RUNDC3B: variants seen among roughly 807,000 people sequenced by gnomAD.
RUNDC3B encodes RUN domain containing 3B.
A neutral mutation model predicts 58.4 loss-of-function variants in RUNDC3B; 33 were observed. The ratio of observed to expected loss-of-function variants is 0.56; its 90% CI spans 0.43 to 0.75. The LOEUF (loss-of-function observed/expected upper bound fraction) is 0.75, where lower values mean the gene tolerates loss of function less well. RUNDC3B is among the 30% of genes least tolerant of loss of function. The pLI is 0.00. For synonymous variants in RUNDC3B, 193 were observed against 195.2 expected, an observed-to-expected ratio of 0.99 and a Z score of 0.10; for missense variants, 501 against 535.7, an observed-to-expected ratio of 0.94 and a Z score of 0.64.
At chr7:87,732,665 G>A (rs886607051) in intron 4 of RUNDC3B, among the ~76,000 whole-genome samples, 32 of 152,266 alleles carry the variant, frequency 2.1e-4, no homozygotes, top group Middle Eastern at 3.4e-3. Flanking sequence ...TTCTGGTCCC[G>A]TGGTGCCAAC....
chr7:87,806,670 G>GT (rs1836451292), intron 8 of RUNDC3B, among the ~76,000 whole-genome samples: 1 of 152,088 alleles, frequency 6.6e-6, no homozygotes, highest in African/African-American at 2.4e-5. Context: ...GGAAGTAACA[G>GT]TTCTATAAAA....
At chr7:87,769,650 T>A (rs980439543) in intron 6 of RUNDC3B, among the ~76,000 whole-genome samples, 2 of 152,110 alleles carry the variant, frequency 1.3e-5, no homozygotes, top group Admixed American at 6.6e-5. Context: ...TTTTTTTTTA[T>A]TATACTTTAA....
At chr7:87,769,305 C>A (rs983174657) in intron 6 of RUNDC3B, among the ~76,000 whole-genome samples, 1 of 152,130 alleles carries the variant, frequency 6.6e-6, no homozygotes, top group African/African-American at 2.4e-5. Flanking sequence ...GCTAATATGC[C>A]CAGCCCCTTA....
chr7:87,733,307 G>T (rs753385584), intron 4 of RUNDC3B, among the ~76,000 whole-genome samples: 3 of 152,122 alleles, frequency 2.0e-5, no homozygotes, highest in Non-Finnish European at 2.9e-5. Context: ...GCTCGTTCTG[G>T]CAGTCCAACC....
chr7:87,784,557 ATTT>A (rs1835102429), intron 8 of RUNDC3B, among the ~76,000 whole-genome samples: 1 of 151,906 alleles, frequency 6.6e-6, no homozygotes, highest in Non-Finnish European at 1.5e-5. Flanking sequence ...TGCTAAAGGA[ATTT>A]ATTTTTGTTT....
chr7:87,790,293 C>T (rs968397528), intron 8 of RUNDC3B, among the ~76,000 whole-genome samples: 8 of 152,162 alleles, frequency 5.3e-5, no homozygotes, highest in East Asian at 1.9e-4. Context: ...AGTACCTCTA[C>T]GAGTCTGCAA....
At chr7:87,704,851 A>G (rs1218139248) in intron 3 of RUNDC3B, among the ~76,000 whole-genome samples, 1 of 152,224 alleles carries the variant, frequency 6.6e-6, no homozygotes, top group African/African-American at 2.4e-5. Flanking sequence ...AGTAAGTCAC[A>G]TCTCACGTCT....
chr7:87,822,602 G>A lies in RUNDC3B; in HGVS notation c.1225+6340G>A, dbSNP rs1162218308. ...ACACATGCACACATATGTTTATAGC[G>A]GCACTATTCACAATAGCAAAGACTT... On this transcript the variant is annotated intron_variant, in intron 10 of 10. Transcript: ENST00000394654. Among the ~76,000 whole-genome samples, 6 of 152,074 alleles carry A rather than the reference G, an allele frequency of 3.9e-5. No homozygotes were observed. The South Asian group carries it at 1.0e-3, about 26-fold the overall frequency.
rs1324472756 is a variant in RUNDC3B at position 87,679,384 on chromosome 7, T to C, written c.239-21037T>C. On this transcript the variant is annotated intron_variant, in intron 2 of 10. Coordinates refer to ENST00000394654, the MANE Select transcript of RUNDC3B (RefSeq NM_001134405.2). Reference sequence around the variant, plus strand: ...CTGGGATTACAAGTGTGAGCCACCGTGCCCGGCCCCCAACTTTTTTTTAAG... The same window carrying C: ...CTGGGATTACAAGTGTGAGCCACCGCGCCCGGCCCCCAACTTTTTTTTAAG... 4.7e-5 allele frequency among the ~76,000 whole-genome samples: 7 copies of C among 149,706 alleles called. No homozygotes were observed. The Admixed American group carries it at 4.7e-4, about 10-fold the overall frequency.
chr7:87,818,961 G>A (rs571986533), intron 10 of RUNDC3B, among the ~76,000 whole-genome samples: 1 of 152,270 alleles, frequency 6.6e-6, no homozygotes, highest in South Asian at 2.1e-4. Context: ...CACACTGATA[G>A]GAGGTACTTC....
chr7:87,750,825 A>G (rs1192724612), intron 6 of RUNDC3B, among the ~76,000 whole-genome samples: 7 of 150,868 alleles, frequency 4.6e-5, no homozygotes, highest in African/African-American at 1.5e-4. Flanking sequence ...CCCATTTTGT[A>G]GGTTGCCTGT....
intron 5 of RUNDC3B, among the ~76,000 whole-genome samples, chr7:87,740,986 C>A (rs1021609359): frequency 6.6e-6 from 1 of 152,042 alleles, no homozygotes; most frequent in Non-Finnish European, 1.5e-5. Context: ...GGGCAGATCA[C>A]CTGAGGTCAG....
intron 8 of RUNDC3B, among the ~76,000 whole-genome samples, chr7:87,791,465 C>CT (rs1370483889): frequency 6.6e-6 from 1 of 151,922 alleles, no homozygotes; most frequent in Non-Finnish European, 1.5e-5. Context: ...GCAAACCACT[C>CT]TTAAGTAAAA....
chr7:87,639,508 T>G (rs894719747), intron 1 of RUNDC3B, among the ~76,000 whole-genome samples: 6 of 152,208 alleles, frequency 3.9e-5, no homozygotes, highest in African/African-American at 1.4e-4. Flanking sequence ...CCTCTATGAC[T>G]GTAGATTTGT....
At chr7:87,783,320 G>A (rs767021161) in intron 8 of RUNDC3B, among the ~76,000 whole-genome samples, 9 of 151,954 alleles carry the variant, frequency 5.9e-5, no homozygotes, top group Non-Finnish European at 1.0e-4. Flanking sequence ...ATAAGAATAG[G>A]ACCCCCTGCT....
intron 2 of RUNDC3B, among the ~76,000 whole-genome samples, 186 bp from the exon 3 acceptor site, chr7:87,700,235 C>T (rs1219815149): frequency 1.3e-5 from 2 of 152,076 alleles, no homozygotes; most frequent in Non-Finnish European, 2.9e-5. Context: ...ATTTTCCAAA[C>T]TAACACCACT....
intron 4 of RUNDC3B, among the ~76,000 whole-genome samples, chr7:87,714,701 A>T (rs1395861140): frequency 6.6e-6 from 1 of 152,092 alleles, no homozygotes; most frequent in Non-Finnish European, 1.5e-5. Context: ...TTAACCCTAA[A>T]GAGGTGTAGA....
intron 4 of RUNDC3B, among the ~76,000 whole-genome samples, chr7:87,713,607 T>C (rs1367881564): frequency 6.7e-6 from 1 of 149,010 alleles, no homozygotes; most frequent in Non-Finnish European, 1.5e-5. Flanking sequence ...AGTTGAGAAG[T>C]TTAGCCAGAA....
chr7:87,643,738 G>A (rs1028090335), intron 1 of RUNDC3B, among the ~76,000 whole-genome samples: 5 of 151,798 alleles, frequency 3.3e-5, no homozygotes, highest in Non-Finnish European at 7.4e-5. Flanking sequence ...TATTGCCCAG[G>A]CTAGTCTCGA....
Sources: allele counts gnomAD v4.1 joint callset (sites outside exome capture counted in the v4.1 genomes callset), GRCh38; gene constraint gnomAD v4.1.1; transcripts MANE v1.5; gene names NCBI Gene and HGNC (gene_info 2026-07-23, HGNC 2026-07-21).